Variants in ZNF547 observed in about 807,000 individuals in gnomAD.
The protein encoded by ZNF547 is zinc finger protein 547.
A neutral mutation model predicts 7.7 loss-of-function variants in ZNF547; 4 were observed. The observed-to-expected ratio is 0.52, with a 90% CI of 0.26 to 1.20. The LOEUF is 1.20. ZNF547 is among the 50% of genes most tolerant of loss of function. ZNF547 has a pLI of 0.14. For synonymous variants in ZNF547, 166 were observed against 166.2 expected (o/e 1.00, Z 0.01); for missense variants, 449 against 485.8 (o/e 0.92, Z 0.71).
chr19:57,370,462 G>A (rs2088497996), intron 2 of ZNF547, among the ~76,000 whole-genome samples: 1 of 152,232 alleles, frequency 6.6e-6, no homozygotes, highest in Non-Finnish European at 1.5e-5. Flanking sequence ...GTTTCTGTGT[G>A]CAGAGTGGCC....
In ZNF547 at chr19:57,379,404, C is replaced by A. The variant is rs1341192728; in HGVS notation, c.*1219C>A. The A allele has an allele frequency of 6.6e-6, 1 of 152,172 alleles. No homozygotes were observed. The highest frequency in any genetic ancestry group is 2.4e-5 in the African/African-American group (1 of 41,432). The allele number at this position is 152,172 out of a possible 1,614,324, so 9.4% of individuals were successfully genotyped here. A position where few individuals can be genotyped will look rare whatever the true frequency, so the allele number is the denominator to read the frequency against. The stretch of plus-strand genomic sequence containing the variant: ...GTAGGGACTACATTTTGAGAACTGT[C>A]CTATCCCATTTTTATAACAATGCAG... On this transcript the variant is annotated 3_prime_UTR_variant, in exon 4 of 4. Transcript: ENST00000282282.
intron 3 of ZNF547, among the ~76,000 whole-genome samples, chr19:57,376,181 C>A (rs539450425): frequency 1.3e-5 from 2 of 152,118 alleles, no homozygotes; most frequent in South Asian, 4.2e-4. Context: ...TAAATAAAAC[C>A]CATGAGATCT....
chr19:57,366,197 C>T (rs550040654), intron 1 of ZNF547, among the ~76,000 whole-genome samples: 1 of 144,924 alleles, frequency 6.9e-6, no homozygotes, highest in Non-Finnish European at 1.5e-5. Context: ...TGGGAATAAG[C>T]TTTTTTGTGT....
intron 3 of ZNF547, among the ~76,000 whole-genome samples, chr19:57,374,375 T>C (rs1052454849): frequency 6.6e-6 from 1 of 152,268 alleles, no homozygotes; most frequent in Non-Finnish European, 1.5e-5. Flanking sequence ...GTCCTGAGGC[T>C]GCACTGAACA....
At chr19:57,368,020 T>C (rs959719913) in intron 1 of ZNF547, 2 of 153,438 alleles carry the variant, frequency 1.3e-5, no homozygotes, top group African/African-American at 2.4e-5. Context: ...CCAGTGTCCT[T>C]CTAAATGTGT....
At position 57,365,468 on chromosome 19, in the gene ZNF547, T is replaced by G. The variant is rs1401937603; in HGVS notation, c.-13+1765T>G. On this transcript the variant is annotated intron_variant, in intron 1 of 3. Transcript: ENST00000282282. The stretch of plus-strand genomic sequence containing the variant: ...ATTAGTATTTCCTTGTGAACAATGT[T>G]ATTTATAAAGAACTCATTATCAATA... 4 of 514,006 alleles carry G rather than the reference T, an allele frequency of 7.8e-6. No individual in the cohort carries two copies. In the East Asian group the frequency reaches 1.2e-4, roughly 16 times the overall value. The allele number at this position is 514,006 out of a possible 1,614,324, so 31.8% of individuals were successfully genotyped here. A position where few individuals can be genotyped will look rare whatever the true frequency, so the allele number is the denominator to read the frequency against.
rs201630393 is a variant in ZNF547 at position 57,377,121 on chromosome 19, C to T, written c.152-7C>T. 2.5e-3 allele frequency: 3,940 copies of T among 1,608,000 alleles called. 9 individuals carry two copies. The highest frequency in any genetic ancestry group is 2.6e-3 in the Non-Finnish European group (3,112 of 1,175,824). On this transcript the variant is annotated splice_polypyrimidine_tract_variant and splice_region_variant and intron_variant, in intron 3 of 3. Transcript: ENST00000282282. The stretch of plus-strand genomic sequence containing the variant: ...CATGCACCTCACCAGCATTTTTATT[C>T]TTACAGGTTGTTGCCATGGAGCTGA...
chr19:57,364,353 T>G (rs2088446814), intron 1 of ZNF547: 1 of 166,096 alleles, frequency 6.0e-6, no homozygotes, highest in Non-Finnish European at 1.3e-5. Flanking sequence ...GTTTGGCCAG[T>G]GTGATTCTCA....
At chr19:57,367,737 C>T (rs902125880) in intron 1 of ZNF547, among the ~76,000 whole-genome samples, 1 of 152,192 alleles carries the variant, frequency 6.6e-6, no homozygotes, top group Non-Finnish European at 1.5e-5. Context: ...CTTGGCTGAC[C>T]CTCAGGGCCA....
Position 57,379,318 on chromosome 19 carries a change from A to G in ZNF547, c.*1133A>G, listed in dbSNP as rs2088559576. 6.6e-6 allele frequency: 1 copy of G among 152,282 alleles called. No individual in the cohort carries two copies. Among genetic ancestry groups the G allele is most frequent in the Non-Finnish European group, 1.5e-5 (1 of 68,102 alleles). 9.4% of individuals were successfully genotyped at this position (152,282 alleles called of 1,614,324 possible). ...TCCACAAAAGTTGTGATTTGTCCTCATTCTAATCCATAGAAGGCAACATTT... is the reference window on the plus strand; with the variant it reads ...TCCACAAAAGTTGTGATTTGTCCTCGTTCTAATCCATAGAAGGCAACATTT... On this transcript the variant is annotated 3_prime_UTR_variant, in exon 4 of 4. Coordinates refer to ENST00000282282, the MANE Select transcript of ZNF547 (RefSeq NM_173631.4).
At chr19:57,370,634 AAGGG>A (rs1015779486) in intron 2 of ZNF547, among the ~76,000 whole-genome samples, 4 of 152,154 alleles carry the variant, frequency 2.6e-5, no homozygotes, top group African/African-American at 9.7e-5. Flanking sequence ...CTGGTAGCTC[AAGGG>A]AGGAGGATGA....
rs561319969 is a variant in ZNF547, at chr19:57,377,332, C to T, written c.356C>T (p.Ala119Val). 50 of 1,614,210 alleles carry T rather than the reference C, an allele frequency of 3.1e-5. No individual in the cohort carries two copies. In the South Asian group the frequency reaches 5.4e-4, roughly 17 times the overall value. Residue 119 changes from alanine to valine, a missense_variant, in exon 4 of 4, where the codon GCA becomes GTA. Coordinates refer to ENST00000282282, the MANE Select transcript of ZNF547 (RefSeq NM_173631.4). ...GAGCAGGGACTGTACACGTGTCCAG[C>T]ACATCTTCACCAGCACCAAAAGGAG... ...HPEQGLYTCPAHLHQHQKEQI... is the reference protein window; with the variant it reads ...HPEQGLYTCPVHLHQHQKEQI...
intron 1 of ZNF547, chr19:57,364,442 CTTCAAAAGAATAGA>C: frequency 1.4e-4 from 28 of 197,906 alleles, no homozygotes; most frequent in South Asian, 8.1e-4. Context: ...GGTGTAGATT[CTTCAAAAGAATAGA>C]GGGTGGCCGG....
Position 57,368,594 on chromosome 19 carries a change from T to C in ZNF547, c.24+15T>C. On this transcript the variant is annotated intron_variant, in intron 2 of 3. Transcript: ENST00000282282. ...ACCCTGCACAGGTGAGTGGAGTGTT[T>C]TCTACCTTTCACCTACCAGTTATCT... 6.2e-7 allele frequency: 1 copy of C among 1,613,958 alleles called. No individual in the cohort carries two copies. The highest frequency in any genetic ancestry group is 1.1e-5 in the South Asian group (1 of 91,022).
At chr19:57,366,989 G>C (rs1302037991) in intron 1 of ZNF547, among the ~76,000 whole-genome samples, 1 of 152,228 alleles carries the variant, frequency 6.6e-6, no homozygotes, top group Non-Finnish European at 1.5e-5. Context: ...AATCATGTTT[G>C]TAAAATAGGA....
intron 3 of ZNF547, among the ~76,000 whole-genome samples, chr19:57,373,721 C>T (rs997256884): frequency 7.2e-5 from 11 of 152,166 alleles, no homozygotes; most frequent in South Asian, 2.1e-4. Context: ...CAAAACCCAG[C>T]GAGGCAGTCA....
In ZNF547 at chr19:57,378,458, A is replaced by T; in HGVS notation, c.*273A>T. 1 of 615,718 alleles carries T rather than the reference A, an allele frequency of 1.6e-6. No homozygotes were observed. The highest frequency in any genetic ancestry group is 3.0e-6 in the Non-Finnish European group (1 of 328,260). 38.1% of individuals were successfully genotyped at this position (615,718 alleles called of 1,614,324 possible). On this transcript the variant is annotated 3_prime_UTR_variant, in exon 4 of 4. Transcript: ENST00000282282. ...CTTTTCAATAAAGTAGAAAGTGGTA[A>T]AGATTCAACATGCAAGATTGTACTT... is the stretch of plus-strand genomic sequence containing the variant.
Position 57,378,301 on chromosome 19 carries a change from T to A in ZNF547, c.*116T>A. ...AATGCCGTGAACGTGGGTAATTATG[T>A]AGGTACAGCTCTCCAGTCGCTATGT... On this transcript the variant is annotated 3_prime_UTR_variant, in exon 4 of 4. Coordinates refer to ENST00000282282, the MANE Select transcript of ZNF547 (RefSeq NM_173631.4). 1 of 909,278 alleles carries A rather than the reference T, an allele frequency of 1.1e-6. No homozygotes were observed. The highest frequency in any genetic ancestry group is 1.7e-6 in the Non-Finnish European group (1 of 585,486). The allele number at this position is 909,278 out of a possible 1,614,324, so 56.3% of individuals were successfully genotyped here.
At chr19:57,364,922 C>T in intron 1 of ZNF547, 2 of 1,612,788 alleles carry the variant, frequency 1.2e-6, no homozygotes, top group Non-Finnish European at 1.7e-6. Flanking sequence ...AAGGCAGAAT[C>T]CAAAGACGAC....
Sources: allele counts gnomAD v4.1 joint callset (sites outside exome capture counted in the v4.1 genomes callset), GRCh38; gene constraint gnomAD v4.1.1; transcripts MANE v1.5; gene names NCBI Gene and HGNC (gene_info 2026-07-23, HGNC 2026-07-21).